Variants in RMDN1 observed in about 807,000 individuals in gnomAD.
The protein encoded by RMDN1 is regulator of microtubule dynamics protein 1.
A neutral mutation model predicts 48.9 loss-of-function variants in RMDN1; 48 were observed. The ratio of observed to expected loss-of-function variants is 0.98; its 90% CI spans 0.78 to 1.25. The LOEUF (loss-of-function observed/expected upper bound fraction) is 1.25, where lower values mean the gene tolerates loss of function less well. Ranked by LOEUF, RMDN1 falls within the 50% of genes most tolerant of loss-of-function variation. The pLI, the probability that RMDN1 is intolerant of heterozygous loss-of-function variation, is 0.00. For synonymous variants in RMDN1, 148 were observed against 132.6 expected (o/e 1.12, Z -0.80); for missense variants, 418 against 373.4 (o/e 1.12, Z -0.98).
Position 86,508,682 on chromosome 8 carries a change from A to G in RMDN1, c.-62T>C. On this transcript the variant is annotated 5_prime_UTR_variant, in exon 1 of 10. Transcript: ENST00000406452. ...GGCAGCTACGGAGGCGGGCGGGGCT[A>G]AAGGAGATTCAATCCTTCCGGAAAG... 12 of 1,489,014 alleles carry G rather than the reference A, an allele frequency of 8.1e-6. No homozygotes were observed. In the South Asian group the frequency reaches 1.2e-4, roughly 15 times the overall value. 92.2% of individuals were successfully genotyped at this position (1,489,014 alleles called of 1,614,324 possible). A position where few individuals can be genotyped will look rare whatever the true frequency, so the allele number is the denominator to read the frequency against.
intron 2 of RMDN1, chr8:86,503,591 G>GT: frequency 2.3e-6 from 1 of 435,912 alleles, no homozygotes; most frequent in East Asian, 5.6e-5. Flanking sequence ...GACACAGAAG[G>GT]TCACCCCAGC....
chr8:86,472,598 C>A lies in RMDN1; in HGVS notation c.*1710G>T. On this transcript the variant is annotated 3_prime_UTR_variant, in exon 10 of 10. Transcript: ENST00000406452. ...CAGCTGATACAGGTTTCTGGTGATG[C>A]TACTGTTGCCTAGCTACCCTGACCA... 1.5e-6 allele frequency: 1 copy of A among 648,160 alleles called. No homozygotes were observed. Among genetic ancestry groups the A allele is most frequent in the South Asian group, 1.8e-5 (1 of 56,756 alleles). 40.2% of individuals were successfully genotyped at this position (648,160 alleles called of 1,614,324 possible). A position where few individuals can be genotyped will look rare whatever the true frequency, so the allele number is the denominator to read the frequency against.
chr8:86,472,401 TA>T lies in RMDN1; in HGVS notation c.*1906del, dbSNP rs1441428831. On this transcript the variant is annotated 3_prime_UTR_variant, in exon 10 of 10. Transcript: ENST00000406452. Reference sequence around the variant, plus strand: ...TCTCCCTAAAGGAAAAAACCCATTTTAAAAAGCCATCCAGCAGAATGCCACA... The same window carrying T: ...TCTCCCTAAAGGAAAAAACCCATTTTAAAAGCCATCCAGCAGAATGCCACA... 8.5e-6 allele frequency: 6 copies of T among 702,382 alleles called. No individual in the cohort carries two copies. The highest frequency in any genetic ancestry group is 1.6e-5 in the Non-Finnish European group (6 of 384,928). 43.5% of individuals were successfully genotyped at this position (702,382 alleles called of 1,614,324 possible).
chr8:86,477,926 G>A (rs975110380), intron 7 of RMDN1: 6 of 150,448 alleles, frequency 4.0e-5, no homozygotes, highest in Non-Finnish European at 8.8e-5. Flanking sequence ...TCACTCTGTT[G>A]CCCAGGCTGG....
At chr8:86,508,793 C>G, upstream of RMDN1, 3 of 1,343,882 alleles carry the variant, frequency 2.2e-6, no homozygotes, top group South Asian at 5.8e-5. Flanking sequence ...GGTGCACGGG[C>G]TTAGGGGGTG....
chr8:86,487,218 A>C (rs1815621275), intron 3 of RMDN1, among the ~76,000 whole-genome samples: 1 of 152,244 alleles, frequency 6.6e-6, no homozygotes, highest in African/African-American at 2.4e-5. Flanking sequence ...AAGTAAGAGC[A>C]TTGGATTCTT....
intron 6 of RMDN1, 148 bp downstream of exon 6, chr8:86,480,128 AG>A (rs1035416558): frequency 2.3e-6 from 1 of 441,516 alleles, no homozygotes; most frequent in African/African-American, 2.0e-5. Flanking sequence ...TATATATACA[AG>A]GGCTAGTTAA....
chr8:86,504,308 T>C lies in RMDN1; in HGVS notation c.247+2687A>G, dbSNP rs958870165. ...GATGTATCCCAAGACAACCAGGAGATGCAAGATGAGAGTGCAAGGATGTCA... is the reference window on the plus strand; with the variant it reads ...GATGTATCCCAAGACAACCAGGAGACGCAAGATGAGAGTGCAAGGATGTCA... On this transcript the variant is annotated intron_variant, in intron 2 of 9. Coordinates refer to ENST00000406452, the MANE Select transcript of RMDN1 (RefSeq NM_016033.3). 7.6e-6 allele frequency: 12 copies of C among 1,579,372 alleles called. No homozygotes were observed. The African/African-American group carries it at 1.1e-4, about 14-fold the overall frequency.
chr8:86,477,482 C>A, intron 7 of RMDN1, 158 bp from the exon 8 acceptor site: 1 of 554,696 alleles, frequency 1.8e-6, no homozygotes, highest in Non-Finnish European at 3.2e-6. Context: ...GAGTTAACAC[C>A]CAAAGTGAAC....
At chr8:86,496,667 G>T (rs1817400308) in intron 2 of RMDN1, among the ~76,000 whole-genome samples, 1 of 152,180 alleles carries the variant, frequency 6.6e-6, no homozygotes, top group Non-Finnish European at 1.5e-5. Context: ...CCTACAAAGA[G>T]ACTTAGATAA....
chr8:86,508,719 C>CCCGCCGCCTGCACAGCACCTCTT, upstream of RMDN1: 1 of 1,382,590 alleles, frequency 7.2e-7, no homozygotes, highest in Non-Finnish European at 9.3e-7. Context: ...ACCGCGCCCG[C>CCCGCCGCCTGCACAGCACCTCTT]CCGCCTCCTG....
intron 5 of RMDN1, chr8:86,482,859 A>C (rs1814774133): frequency 8.6e-7 from 1 of 1,157,608 alleles, no homozygotes. Context: ...TTTGCTGAAC[A>C]TACAGAAGGC....
At chr8:86,470,027 G>T, downstream of RMDN1, 2 of 357,472 alleles carry the variant, frequency 5.6e-6, no homozygotes, top group Non-Finnish European at 7.8e-6. Context: ...CACAGCCCAT[G>T]ATTAAAAACT....
intron 2 of RMDN1, chr8:86,504,059 G>A: frequency 1.2e-6 from 1 of 850,486 alleles, no homozygotes; most frequent in Non-Finnish European, 2.1e-6. Context: ...AACCAGCTGG[G>A]CATCATTGTC....
chr8:86,473,672 A>G lies in RMDN1; in HGVS notation c.*636T>C, dbSNP rs1020423825. On this transcript the variant is annotated 3_prime_UTR_variant, in exon 10 of 10. Coordinates refer to ENST00000406452, the MANE Select transcript of RMDN1 (RefSeq NM_016033.3). ...TCCCAGCCACTCAGGAGGCTAAGGC[A>G]GGAGAATCACTTGAACCCGGGAGGC... The G allele has an allele frequency of 5.2e-6, 2 of 381,380 alleles. No homozygotes were observed. The highest frequency in any genetic ancestry group is 7.2e-6 in the Non-Finnish European group (2 of 278,156). The allele number at this position is 381,380 out of a possible 1,614,324, so 23.6% of individuals were successfully genotyped here. A position where few individuals can be genotyped will look rare whatever the true frequency, so the allele number is the denominator to read the frequency against.
chr8:86,482,628 G>A (rs770441408), intron 5 of RMDN1: 20 of 770,698 alleles, frequency 2.6e-5, no homozygotes, highest in Non-Finnish European at 4.8e-5. Flanking sequence ...AGCCTCCCAC[G>A]AGGTATACTT....
intron 5 of RMDN1, among the ~76,000 whole-genome samples, chr8:86,483,825 GT>G (rs35596455): frequency 0.13 from 17,170 of 130,012 alleles, 1,154 homozygotes; most frequent in East Asian, 0.26. Context: ...TTTTGTGGTA[GT>G]TTTTTTTTTT....
At chr8:86,508,714 G>GCCCT (rs1563673735), upstream of RMDN1, 2 of 1,336,634 alleles carry the variant, frequency 1.5e-6, no homozygotes, top group Non-Finnish European at 1.9e-6. Flanking sequence ...AAAGAACCGC[G>GCCCT]CCCGCCCGCC....
chr8:86,491,545 T>C (rs143733143), intron 2 of RMDN1, among the ~76,000 whole-genome samples: 16 of 152,346 alleles, frequency 1.1e-4, no homozygotes, highest in African/African-American at 3.4e-4. Context: ...TAACATTTTA[T>C]ACTATCTTGA....
Sources: gnomAD v4.1 joint callset for allele counts (sites outside exome capture counted in the v4.1 genomes callset) on GRCh38, gnomAD v4.1.1 for gene constraint, MANE v1.5 for transcripts, NCBI Gene and HGNC (gene_info 2026-07-23, HGNC 2026-07-21) for gene names.